The following SYNE1 variants were observed in gnomAD, a reference collection of about 807,000 sequenced individuals.
SYNE1 encodes nesprin-1.
A neutral mutation model predicts 1,111.0 loss-of-function variants in SYNE1; 616 were observed. The ratio of observed to expected loss-of-function variants is 0.55; its 90% CI spans 0.52 to 0.59. The LOEUF (loss-of-function observed/expected upper bound fraction) is 0.59, where lower values mean the gene tolerates loss of function less well. Among genes scored for constraint, SYNE1 ranks in the 20% least tolerant of loss-of-function variants. SYNE1 has a pLI of 0.00. For synonymous variants in SYNE1, 3,855 were observed against 3,825.8 expected (o/e 1.01, Z -0.28); for missense variants, 10,006 against 10,417.0 (o/e 0.96, Z 1.72).
chr6:152,125,131 A>T, intron 145 of SYNE1: 2 of 952,684 alleles, frequency 2.1e-6, no homozygotes, highest in Non-Finnish European at 2.9e-6. Flanking sequence ...TTCAGATTCT[A>T]CAGTTAAAGG....
intron 97 of SYNE1, among the ~76,000 whole-genome samples, chr6:152,278,994 T>C (rs594745): frequency 0.015 from 2,294 of 152,076 alleles, 27 homozygotes; most frequent in Non-Finnish European, 0.025. Flanking sequence ...GGTCTCAAAC[T>C]CCTGGGCTCA....
At position 152,330,776 on chromosome 6, in the gene SYNE1, C is replaced by T. The variant is rs142388112; in HGVS notation, c.13909G>A (p.Asp4637Asn). 1.3e-3 allele frequency: 2,099 copies of T among 1,613,858 alleles called. 4 individuals carry two copies. The highest frequency in any genetic ancestry group is 1.6e-3 in the Non-Finnish European group (1,832 of 1,180,038). The change falls in exon 78 of 146, where the codon GAT (aspartate) becomes AAT (asparagine). Residue 4637 changes from aspartate (D) to asparagine (N), a missense_variant. By Grantham distance (23) the Asp-to-Asn change is conservative. This residue lies in a region of SYNE1 where 4,955 missense variants were observed against 5,017.2 expected (regional missense o/e 0.99). Coordinates refer to ENST00000367255, the MANE Select transcript of SYNE1 (RefSeq NM_182961.4). ...AGCTTTTCACTGAGGTAGGAATGAT[C>T]GACTTCATTCAGCGATGGTAATATG... ...QTILPSLNEV[D>N]HSYLSEKLNA... is the part of the protein sequence containing the mutation.
intron 25 of SYNE1, among the ~76,000 whole-genome samples, chr6:152,452,905 C>G (rs1349210552): frequency 6.6e-6 from 1 of 152,220 alleles, no homozygotes; most frequent in Non-Finnish European, 1.5e-5. Flanking sequence ...TGTGTCACCC[C>G]CTGCTTACTC....
chr6:152,379,237 T>C (rs1008019080), intron 56 of SYNE1, among the ~76,000 whole-genome samples: 1 of 152,326 alleles, frequency 6.6e-6, no homozygotes, highest in East Asian at 1.9e-4. Flanking sequence ...AAATATCAGC[T>C]TATGTATTTC....
At chr6:152,230,319 G>T (rs1211103909) in intron 115 of SYNE1, among the ~76,000 whole-genome samples, 1 of 151,868 alleles carries the variant, frequency 6.6e-6, no homozygotes, top group Non-Finnish European at 1.5e-5. Flanking sequence ...CTACTTACGA[G>T]TATGTTTGAA....
chr6:152,122,304 C>A lies in SYNE1; in HGVS notation c.*132G>T. ...AAGCCATAATTTGCACACATGTGAT[C>A]TGGAGGAGGGCTAAAGCTGCCACAC... On this transcript the variant is annotated 3_prime_UTR_variant, in exon 146 of 146. Coordinates refer to ENST00000367255, the MANE Select transcript of SYNE1 (RefSeq NM_182961.4). The A allele has an allele frequency of 7.0e-7, 1 of 1,437,942 alleles. No homozygotes were observed. Among genetic ancestry groups the A allele is most frequent in the Non-Finnish European group, 9.7e-7 (1 of 1,028,884 alleles). The allele number at this position is 1,437,942 out of a possible 1,614,324, so 89.1% of individuals were successfully genotyped here. A position where few individuals can be genotyped will look rare whatever the true frequency, so the allele number is the denominator to read the frequency against.
At chr6:152,505,450 C>G in intron 8 of SYNE1, 53 bp from the exon 9 acceptor site, 1 of 1,592,696 alleles carries the variant, frequency 6.3e-7, no homozygotes, top group South Asian at 1.1e-5. Flanking sequence ...GATACAAGCA[C>G]TTTCTTCAAG....
rs766320378 is a variant in SYNE1 at position 152,148,241 on chromosome 6, C to A, written c.24780G>T (p.Ser8260=). The part of the protein sequence containing the change: ...SPQPSSNLSL[S]LAQPLRSERS... The stretch of plus-strand genomic sequence containing the variant: ...GCTCGCTCCGGAGGGGCTGAGCGAG[C>A]GAGAGGGAGAGATTGGAGGAAGGCT... The change falls in exon 137 of 146, where the codon TCG becomes TCT. Residue 8260 remains serine, a synonymous_variant. Transcript: ENST00000367255. The surrounding 1 kb of genome is among the most constrained non-coding windows in gnomAD (Gnocchi z 4.1). The A allele has an allele frequency of 6.2e-7, 1 of 1,613,698 alleles. No individual in the cohort carries two copies. Among genetic ancestry groups the A allele is most frequent in the Non-Finnish European group, 8.5e-7 (1 of 1,179,772 alleles).
chr6:152,377,538 G>A (rs528907405), intron 56 of SYNE1, among the ~76,000 whole-genome samples: 2 of 145,888 alleles, frequency 1.4e-5, no homozygotes, highest in Admixed American at 6.9e-5. Context: ...GAACCTGGGA[G>A]GTGGAGGTTG....
chr6:152,273,879 T>C (rs1239469563), intron 98 of SYNE1, among the ~76,000 whole-genome samples: 1 of 152,184 alleles, frequency 6.6e-6, no homozygotes, highest in South Asian at 2.1e-4. Flanking sequence ...GTTCCTGCCT[T>C]GTTTAATCCC....
chr6:152,145,563 A>C, intron 137 of SYNE1: 1 of 1,613,560 alleles, frequency 6.2e-7, no homozygotes, highest in Non-Finnish European at 8.5e-7. Context: ...CATCTGCAAA[A>C]AAAGCACAGT....
chr6:152,255,600 G>A lies in SYNE1; in HGVS notation c.19251C>T (p.Phe6417=). Residue 6417 remains phenylalanine, a synonymous_variant, in exon 103 of 146, where the codon TTC becomes TTT. Transcript: ENST00000367255. The part of the protein sequence containing the change: ...LLPEETETCL[F]NQEILAKDIK... ...GAACTACTAAACCTACCTCTTGGTT[G>A]AAGAGACAAGTCTCTGTTTCTTCTG... 1.9e-6 allele frequency: 3 copies of A among 1,614,158 alleles called. No homozygotes were observed. The highest frequency in any genetic ancestry group is 2.5e-6 in the Non-Finnish European group (3 of 1,180,028).
intron 3 of SYNE1, among the ~76,000 whole-genome samples, chr6:152,586,679 CA>C (rs2099540536): frequency 6.6e-6 from 1 of 150,476 alleles, no homozygotes; most frequent in African/African-American, 2.5e-5. Context: ...CACACACACA[CA>C]CACCACTATG....
At chr6:152,524,232 T>C (rs1311629799) in intron 5 of SYNE1, among the ~76,000 whole-genome samples, 1 of 152,160 alleles carries the variant, frequency 6.6e-6, no homozygotes, top group African/African-American at 2.4e-5. Context: ...CTTCTATGAC[T>C]AGTTTGTTGG....
chr6:152,584,831 A>C (rs527607861), intron 3 of SYNE1, among the ~76,000 whole-genome samples: 23 of 152,202 alleles, frequency 1.5e-4, no homozygotes, highest in Non-Finnish European at 3.2e-4. Flanking sequence ...CTGCATCTTC[A>C]CGTTACATTA....
chr6:152,166,811 G>C (rs938111540), intron 130 of SYNE1, among the ~76,000 whole-genome samples: 2 of 152,180 alleles, frequency 1.3e-5, no homozygotes, highest in African/African-American at 4.8e-5. Context: ...ATGTGTGCTG[G>C]GGGAGCAGAG....
At chr6:152,299,275 A>T (rs1439969953) in intron 93 of SYNE1, among the ~76,000 whole-genome samples, 1 of 152,242 alleles carries the variant, frequency 6.6e-6, no homozygotes, top group African/African-American at 2.4e-5. Flanking sequence ...TATAATAATC[A>T]GCCGACTATA....
At chr6:152,451,313 G>T in intron 25 of SYNE1, 108 bp from the exon 26 acceptor site, 1 of 1,159,462 alleles carries the variant, frequency 8.6e-7, no homozygotes, top group Non-Finnish European at 1.2e-6. Context: ...ATTCCTTTTA[G>T]GGCCAGTGTG....
At chr6:152,534,083 C>T (rs975370708) in intron 4 of SYNE1, among the ~76,000 whole-genome samples, 61 of 151,782 alleles carry the variant, frequency 4.0e-4, no homozygotes, top group Non-Finnish European at 7.9e-4. Context: ...CACTTGAACT[C>T]GGGAGGAGGA....
Sources: allele counts gnomAD v4.1 joint callset (sites outside exome capture counted in the v4.1 genomes callset), GRCh38; gene constraint gnomAD v4.1.1; regional missense constraint gnomAD v4.1.1; non-coding constraint Gnocchi (gnomAD v3.1); transcripts MANE v1.5; gene names NCBI Gene and HGNC (gene_info 2026-07-23, HGNC 2026-07-21).